ADARB2: variants seen among roughly 807,000 people sequenced by gnomAD.
ADARB2 encodes the protein adenosine deaminase RNA specific B2 (inactive).
In ADARB2, 25 loss-of-function variants were observed where a neutral mutation model predicts 62.2. That is an observed-to-expected ratio of 0.40 (90% CI 0.29 to 0.56). The LOEUF is 0.56. Ranked by LOEUF, ADARB2 falls within the 20% of genes least tolerant of loss-of-function variation. ADARB2 has a pLI of 0.43. For synonymous variants in ADARB2, 572 were observed against 500.8 expected, an observed-to-expected ratio of 1.14 and a Z score of -1.90; for missense variants, 1,071 against 1,077.4, an observed-to-expected ratio of 0.99 and a Z score of 0.08.
intron 6 of ADARB2, among the ~76,000 whole-genome samples, chr10:1,217,776 T>C (rs1027175578): frequency 6.6e-6 from 1 of 152,120 alleles, no homozygotes; most frequent in Non-Finnish European, 1.5e-5. Flanking sequence ...AGGTGGCTCC[T>C]GTGAAGGTGC....
intron 7 of ADARB2, among the ~76,000 whole-genome samples, chr10:1,206,518 G>C (rs1445324531): frequency 6.6e-6 from 1 of 151,956 alleles, no homozygotes; most frequent in Admixed American, 6.6e-5. Context: ...TGGTCTGAGA[G>C]AACTGCGGGG....
chr10:1,713,535 C>T (rs1403268439), intron 1 of ADARB2, among the ~76,000 whole-genome samples: 2 of 152,170 alleles, frequency 1.3e-5, no homozygotes, highest in Non-Finnish European at 2.9e-5. Flanking sequence ...GACGGTGCTG[C>T]AAGACTTTCT....
intron 4 of ADARB2, among the ~76,000 whole-genome samples, chr10:1,250,583 C>T (rs1430950566): frequency 2.6e-5 from 4 of 152,142 alleles, no homozygotes; most frequent in Non-Finnish European, 4.4e-5. Context: ...CCTTGACCTT[C>T]TCCATCATGT....
rs531775667 is a variant in ADARB2 at position 1,418,551 on chromosome 10, A to G, written c.101-39391T>C. ...GCACCAACAAAATAATTGGAATGGC[A>G]TTGACAAGGGGAAAAACAGCCCGCA... is the stretch of plus-strand genomic sequence containing the variant. On this transcript the variant is annotated intron_variant, in intron 1 of 9. Coordinates refer to ENST00000381312, the MANE Select transcript of ADARB2 (RefSeq NM_018702.4). Among the ~76,000 whole-genome samples, 6 of 152,344 alleles carry G rather than the reference A, an allele frequency of 3.9e-5. No individual in the cohort carries two copies. In the East Asian group the frequency reaches 1.2e-3, roughly 29 times the overall value.
At chr10:1,276,150 AC>A (rs1481761128) in intron 3 of ADARB2, among the ~76,000 whole-genome samples, 2 of 152,102 alleles carry the variant, frequency 1.3e-5, no homozygotes, top group Non-Finnish European at 2.9e-5. Context: ...CTATTTCTCC[AC>A]ATCCTCTCCA....
chr10:1,569,498 G>C (rs980037953), intron 1 of ADARB2, among the ~76,000 whole-genome samples: 1 of 152,150 alleles, frequency 6.6e-6, no homozygotes, highest in Non-Finnish European at 1.5e-5. Flanking sequence ...AACACCTAAC[G>C]AGGTCAGCAA....
chr10:1,576,688 C>A (rs1199600194), intron 1 of ADARB2, among the ~76,000 whole-genome samples: 1 of 152,108 alleles, frequency 6.6e-6, no homozygotes, highest in Non-Finnish European at 1.5e-5. Flanking sequence ...CGCTGTGCAC[C>A]CTCCAGTTGG....
intron 1 of ADARB2, among the ~76,000 whole-genome samples, chr10:1,507,653 G>A: frequency 6.6e-6 from 1 of 152,198 alleles, no homozygotes; most frequent in Non-Finnish European, 1.5e-5. Flanking sequence ...CAGGACGAGA[G>A]ACAGGCCGAG....
intron 6 of ADARB2, among the ~76,000 whole-genome samples, chr10:1,224,060 T>C (rs1392228187): frequency 1.3e-5 from 2 of 152,140 alleles, no homozygotes; most frequent in Non-Finnish European, 2.9e-5. Context: ...GTCCTGGACT[T>C]TTTTTGGTTG....
intron 1 of ADARB2, 104 bp downstream of exon 1, chr10:1,736,947 G>A (rs1835309560): frequency 1.7e-6 from 2 of 1,205,544 alleles, no homozygotes; most frequent in South Asian, 2.6e-5. Flanking sequence ...GCACCCCAAA[G>A]TGAAGCTGCT....
At chr10:1,216,698 G>C in intron 7 of ADARB2, 1 of 537,582 alleles carries the variant, frequency 1.9e-6, no homozygotes, top group Middle Eastern at 5.0e-4. Flanking sequence ...GGCCTTGCTC[G>C]GGGCTGTTTG....
intron 3 of ADARB2, chr10:1,291,428 G>A (rs944462020): frequency 7.2e-5 from 11 of 152,262 alleles, no homozygotes; most frequent in African/African-American, 1.9e-4. Flanking sequence ...CCAGAGGAGC[G>A]GGGTCGGAGC....
chr10:1,266,951 G>A (rs1370796632), intron 4 of ADARB2, among the ~76,000 whole-genome samples: 1 of 152,022 alleles, frequency 6.6e-6, no homozygotes, highest in African/African-American at 2.4e-5. Flanking sequence ...CAAAAACATC[G>A]AGTAAAAGAA....
chr10:1,406,157 C>T (rs1309300800), intron 1 of ADARB2, among the ~76,000 whole-genome samples: 3 of 152,334 alleles, frequency 2.0e-5, no homozygotes, highest in Non-Finnish European at 4.4e-5. Context: ...TGGATTTTCA[C>T]TGCGATGAGC....
intron 1 of ADARB2, among the ~76,000 whole-genome samples, chr10:1,514,187 A>ATATATATATATG (rs1408140177): frequency 1.5e-5 from 2 of 133,038 alleles, no homozygotes; most frequent in Non-Finnish European, 3.2e-5. Context: ...AAATATATAT[A>ATATATATATATG]TATATATATG....
chr10:1,488,050 A>G (rs546243767), intron 1 of ADARB2, among the ~76,000 whole-genome samples: 8 of 152,340 alleles, frequency 5.3e-5, no homozygotes, highest in African/African-American at 1.9e-4. Context: ...GGTCATCTAC[A>G]TGTTTCTTGG....
chr10:1,468,767 G>A (rs958757575), intron 1 of ADARB2, among the ~76,000 whole-genome samples: 22 of 152,224 alleles, frequency 1.4e-4, no homozygotes, highest in African/African-American at 5.1e-4. Context: ...CGGAAGCGAC[G>A]GGGCGTGCAT....
At chr10:1,409,363 A>G (rs1832735749) in intron 1 of ADARB2, among the ~76,000 whole-genome samples, 1 of 152,072 alleles carries the variant, frequency 6.6e-6, no homozygotes, top group Non-Finnish European at 1.5e-5. Flanking sequence ...CAGATGTTTC[A>G]TCTCTGTGGC....
intron 1 of ADARB2, among the ~76,000 whole-genome samples, chr10:1,474,871 C>A (rs1380164388): frequency 6.6e-6 from 1 of 152,162 alleles, no homozygotes; most frequent in African/African-American, 2.4e-5. Context: ...CAAGGATGCT[C>A]GCAGGACTGC....
Sources: gnomAD v4.1 joint callset for allele counts (sites outside exome capture counted in the v4.1 genomes callset) on GRCh38, gnomAD v4.1.1 for gene constraint, MANE v1.5 for transcripts, NCBI Gene and HGNC (gene_info 2026-07-23, HGNC 2026-07-21) for gene names.